Variants in JKAMP observed in about 807,000 individuals in gnomAD.
JKAMP encodes the protein JNK1/MAPK8 associated membrane protein.
Under a neutral mutation model 40.2 loss-of-function variants are expected in JKAMP, and 20 were observed. The ratio of observed to expected loss-of-function variants is 0.50; its 90% CI spans 0.35 to 0.72. JKAMP has a LOEUF of 0.72. Ranked by LOEUF, JKAMP falls within the 30% of genes least tolerant of loss-of-function variation. JKAMP has a pLI of 0.01. For synonymous variants in JKAMP, 138 were observed against 131.6 expected, an observed-to-expected ratio of 1.05 and a Z score of -0.33; for missense variants, 276 against 373.0, an observed-to-expected ratio of 0.74 and a Z score of 2.14.
chr14:59,490,144 T>C (rs1890883352), intron 3 of JKAMP, among the ~76,000 whole-genome samples: 1 of 152,034 alleles, frequency 6.6e-6, no homozygotes, highest in African/African-American at 2.4e-5. Flanking sequence ...CTGGTCTCGA[T>C]CTCCTGGGCG....
chr14:59,485,238 C>A, intron 1 of JKAMP: 1 of 1,052,284 alleles, frequency 9.5e-7, no homozygotes, highest in South Asian at 1.6e-5. Flanking sequence ...AGATGTAAAG[C>A]CCATACAGAA....
chr14:59,496,190 GC>G (rs1459352733), intron 4 of JKAMP, among the ~76,000 whole-genome samples: 2 of 152,060 alleles, frequency 1.3e-5, no homozygotes, highest in African/African-American at 4.8e-5. Flanking sequence ...ACAGGCGTGA[GC>G]CACTGTGCCC....
chr14:59,502,847 G>T (rs1332165609), intron 6 of JKAMP, among the ~76,000 whole-genome samples: 1 of 142,656 alleles, frequency 7.0e-6, no homozygotes, highest in Non-Finnish European at 1.5e-5. Flanking sequence ...CACCTCTCGG[G>T]TTCAAGTGAT....
rs1892261178 is a variant in JKAMP at position 59,505,201 on chromosome 14, AGTCT to A, written c.*1134_*1137del. ...TAAGTGCACTCACTTTTCCTGTAGT[AGTCT>A]GTCTTTTGAATTCACAGCAGTTGTA... On this transcript the variant is annotated 3_prime_UTR_variant, in exon 7 of 7. Coordinates refer to ENST00000616435, the MANE Select transcript of JKAMP (RefSeq NM_016475.5). 1.8e-6 allele frequency: 2 copies of A among 1,092,558 alleles called. No homozygotes were observed. Among genetic ancestry groups the A allele is most frequent in the East Asian group, 5.2e-5 (2 of 38,154 alleles). The allele number at this position is 1,092,558 out of a possible 1,614,324, so 67.7% of individuals were successfully genotyped here. A position where few individuals can be genotyped will look rare whatever the true frequency, so the allele number is the denominator to read the frequency against.
chr14:59,495,743 C>A (rs1891394354), intron 4 of JKAMP, among the ~76,000 whole-genome samples: 1 of 152,058 alleles, frequency 6.6e-6, no homozygotes, highest in Admixed American at 6.6e-5. Context: ...TATTTATATT[C>A]TCATAATTGT....
chr14:59,501,157 C>G (rs1422793382), intron 5 of JKAMP, 34 bp from the exon 6 acceptor site: 1 of 1,328,608 alleles, frequency 7.5e-7, no homozygotes, highest in Non-Finnish European at 1.1e-6. Flanking sequence ...AAATTTGTTT[C>G]ATTTCCAACA....
At chr14:59,501,137 T>C in intron 5 of JKAMP, 54 bp from the exon 6 acceptor site, 2 of 1,109,588 alleles carry the variant, frequency 1.8e-6, no homozygotes, top group East Asian at 2.4e-5. Flanking sequence ...TATTTGATGG[T>C]TTATTGAGAA....
rs1484790130 is a variant in JKAMP, at chr14:59,498,426, A to G, written c.459-301A>G. The stretch of plus-strand genomic sequence containing the variant: ...AAATCCTTGTACAGTAGGTTTTTTT[A>G]TGTATCCCTGGTTGTTTCCCTTGGA... On this transcript the variant is annotated intron_variant, in intron 4 of 6. Transcript: ENST00000616435. Among the ~76,000 whole-genome samples the G allele has an allele frequency of 2.0e-5, 3 of 152,148 alleles. No individual in the cohort carries two copies. In the East Asian group the frequency reaches 5.8e-4, roughly 29 times the overall value.
At chr14:59,494,872 C>T in intron 3 of JKAMP, 146 bp from the exon 4 acceptor site, 1 of 624,228 alleles carries the variant, frequency 1.6e-6, no homozygotes, top group Middle Eastern at 2.9e-4. Context: ...TTATTTATCC[C>T]TTTTGAGAAA....
chr14:59,492,468 C>T (rs1891095642), intron 3 of JKAMP, among the ~76,000 whole-genome samples: 1 of 152,180 alleles, frequency 6.6e-6, no homozygotes, highest in Non-Finnish European at 1.5e-5. Context: ...ATTCCATGAA[C>T]TTCTGGGGTC....
chr14:59,502,773 T>TTTTTTTGG (rs796697193), intron 6 of JKAMP, among the ~76,000 whole-genome samples: 3 of 102,836 alleles, frequency 2.9e-5, no homozygotes, highest in Non-Finnish European at 1.8e-5. Flanking sequence ...TTTTTTTTTT[T>TTTTTTTGG]CGGAGTCTCA....
At chr14:59,484,972 C>A in intron 1 of JKAMP, 1 of 1,558,802 alleles carries the variant, frequency 6.4e-7, no homozygotes. Context: ...TTGTCTACTG[C>A]TTCAACCTCA....
At chr14:59,494,969 T>A (rs1465519367) in intron 3 of JKAMP, 49 bp from the exon 4 acceptor site, 1 of 1,357,060 alleles carries the variant, frequency 7.4e-7, no homozygotes, top group East Asian at 2.3e-5. Flanking sequence ...ATTAAAGCCA[T>A]TTAAATATTG....
intron 3 of JKAMP, among the ~76,000 whole-genome samples, chr14:59,489,366 A>G (rs1890819287): frequency 6.6e-6 from 1 of 152,208 alleles, no homozygotes; most frequent in Non-Finnish European, 1.5e-5. Flanking sequence ...GGACATGGAC[A>G]CAATGCAGCA....
intron 4 of JKAMP, among the ~76,000 whole-genome samples, chr14:59,496,862 T>A (rs2149048): frequency 0.28 from 41,969 of 152,170 alleles, 6,863 homozygotes; most frequent in East Asian, 0.37. Context: ...TTTAAAATTA[T>A]GAGATATTAT....
intron 5 of JKAMP, among the ~76,000 whole-genome samples, chr14:59,499,785 T>C (rs1444821880): frequency 6.6e-6 from 1 of 152,148 alleles, no homozygotes; most frequent in Non-Finnish European, 1.5e-5. Flanking sequence ...AATTCTGTTA[T>C]CCGCCATATT....
intron 4 of JKAMP, 21 bp from the exon 5 acceptor site, chr14:59,498,706 A>G (rs1566581037): frequency 7.9e-7 from 1 of 1,269,476 alleles, no homozygotes; most frequent in Admixed American, 2.3e-5. Context: ...GATGTTACAA[A>G]TTCTTTATTT....
intron 6 of JKAMP, among the ~76,000 whole-genome samples, chr14:59,502,773 T>TTTGGG (rs796697193): frequency 9.7e-6 from 1 of 102,836 alleles, no homozygotes; most frequent in Non-Finnish European, 1.8e-5. Flanking sequence ...TTTTTTTTTT[T>TTTGGG]CGGAGTCTCA....
At chr14:59,494,927 G>T (rs1891325426) in intron 3 of JKAMP, 91 bp from the exon 4 acceptor site, 5 of 888,666 alleles carry the variant, frequency 5.6e-6, no homozygotes, top group Non-Finnish European at 7.0e-6. Context: ...TATAGATTTA[G>T]AAATCTGTAT....
Sources: gnomAD v4.1 joint callset for allele counts (sites outside exome capture counted in the v4.1 genomes callset) on GRCh38, gnomAD v4.1.1 for gene constraint, MANE v1.5 for transcripts, NCBI Gene and HGNC (gene_info 2026-07-23, HGNC 2026-07-21) for gene names.